Variants in OXSR1 observed in about 807,000 individuals in gnomAD.
The protein encoded by OXSR1 is serine/threonine-protein kinase OSR1.
A neutral mutation model predicts 79.8 loss-of-function variants in OXSR1; 24 were observed. That is an observed-to-expected ratio of 0.30 (90% CI 0.22 to 0.42). The LOEUF (loss-of-function observed/expected upper bound fraction) is 0.42, where lower values mean the gene tolerates loss of function less well. OXSR1 is among the 10% of genes least tolerant of loss of function. OXSR1 has a pLI of 1.00. For synonymous variants in OXSR1, 226 were observed against 209.2 expected (o/e 1.08, Z -0.69); for missense variants, 430 against 618.4 (o/e 0.70, Z 3.23).
intron 4 of OXSR1, among the ~76,000 whole-genome samples, chr3:38,214,344 A>G (rs552828939): frequency 6.6e-6 from 1 of 152,260 alleles, no homozygotes; most frequent in Admixed American, 6.5e-5. Context: ...ACAGGTGACT[A>G]TAGTAGTATA....
intron 1 of OXSR1, among the ~76,000 whole-genome samples, chr3:38,180,249 A>G (rs1042135125): frequency 6.6e-6 from 1 of 152,030 alleles, no homozygotes. Context: ...GGCGGAAAAA[A>G]TCTTTAAGTG....
intron 1 of OXSR1, among the ~76,000 whole-genome samples, chr3:38,179,863 A>G (rs1429175216): frequency 6.6e-6 from 1 of 151,896 alleles, no homozygotes; most frequent in Non-Finnish European, 1.5e-5. Flanking sequence ...GGCTGGAGGA[A>G]AGTGGCGCAA....
chr3:38,209,959 G>T (rs1702352449), intron 4 of OXSR1, among the ~76,000 whole-genome samples: 1 of 152,030 alleles, frequency 6.6e-6, no homozygotes, highest in Non-Finnish European at 1.5e-5. Context: ...AGGCAGGTCT[G>T]CTCACTGCAA....
intron 1 of OXSR1, among the ~76,000 whole-genome samples, chr3:38,178,970 C>T (rs1240407196): frequency 6.6e-6 from 1 of 151,394 alleles, no homozygotes; most frequent in East Asian, 1.9e-4. Context: ...CTCAAGTGAT[C>T]CTCCCCACCT....
chr3:38,252,800 T>C lies in OXSR1; in HGVS notation c.1510-17T>C. ...GTTTATAAATAATCACAGTTTCTCA[T>C]TTTGTTTGGTTCTTAGGCATCTGGT... On this transcript the variant is annotated splice_polypyrimidine_tract_variant and intron_variant, in intron 17 of 17. Coordinates refer to ENST00000311806, the MANE Select transcript of OXSR1 (RefSeq NM_005109.3). 1 of 1,599,260 alleles carries C rather than the reference T, an allele frequency of 6.3e-7. No individual in the cohort carries two copies.
intron 12 of OXSR1, among the ~76,000 whole-genome samples, chr3:38,243,039 T>TA (rs1703067911): frequency 6.6e-6 from 1 of 150,408 alleles, no homozygotes; most frequent in Non-Finnish European, 1.5e-5. Flanking sequence ...TATTTATTTA[T>TA]TTATTTATTT....
At chr3:38,209,525 A>C (rs892218101) in intron 4 of OXSR1, among the ~76,000 whole-genome samples, 1 of 152,094 alleles carries the variant, frequency 6.6e-6, no homozygotes, top group African/African-American at 2.4e-5. Flanking sequence ...CGGCCTTCCA[A>C]AGTGCTGGAA....
chr3:38,240,717 A>G (rs1364097622), intron 11 of OXSR1, among the ~76,000 whole-genome samples: 1 of 151,798 alleles, frequency 6.6e-6, no homozygotes, highest in African/African-American at 2.4e-5. Context: ...AAAAAAAACA[A>G]CTCATAAGGA....
intron 10 of OXSR1, among the ~76,000 whole-genome samples, chr3:38,234,902 A>G (rs1216636600): frequency 1.3e-5 from 2 of 152,256 alleles, no homozygotes; most frequent in Non-Finnish European, 2.9e-5. Flanking sequence ...ATTATTTGAC[A>G]ATAAAAAGGA....
intron 10 of OXSR1, among the ~76,000 whole-genome samples, chr3:38,233,957 A>T (rs529592270): frequency 2.6e-5 from 4 of 152,296 alleles, no homozygotes; most frequent in South Asian, 2.1e-4. Flanking sequence ...AGTGAACATG[A>T]CACTGTTAAA....
In OXSR1 at chr3:38,166,037, G is replaced by A; in HGVS notation, c.70+91G>A. 6 of 1,172,938 alleles carry A rather than the reference G, an allele frequency of 5.1e-6. No individual in the cohort carries two copies. In the South Asian group the frequency reaches 7.7e-5, roughly 15 times the overall value. The allele number at this position is 1,172,938 out of a possible 1,614,324, so 72.7% of individuals were successfully genotyped here. A position where few individuals can be genotyped will look rare whatever the true frequency, so the allele number is the denominator to read the frequency against. On this transcript the variant is annotated intron_variant, in intron 1 of 17. Transcript: ENST00000311806. ...GAGCCGCGGGAGCTCGGGGAGCGCA[G>A]CCCTCATAGGAATTCGTGGGGCGCT... is the stretch of plus-strand genomic sequence containing the variant.
At chr3:38,247,883 A>G in intron 14 of OXSR1, 151 bp downstream of exon 14, 1 of 573,626 alleles carries the variant, frequency 1.7e-6, no homozygotes, top group South Asian at 2.3e-5. Context: ...TTCCCCAGAA[A>G]TAATAGCAAC....
At chr3:38,178,620 A>ATATTTTTTTTT (rs1265646743) in intron 1 of OXSR1, among the ~76,000 whole-genome samples, 3 of 95,126 alleles carry the variant, frequency 3.2e-5, no homozygotes, top group East Asian at 3.2e-4. Flanking sequence ...ATATATATAT[A>ATATTTTTTTTT]TTTTTTTTTT....
At chr3:38,224,465 A>T in intron 7 of OXSR1, 106 bp from the exon 8 acceptor site, 2 of 780,440 alleles carry the variant, frequency 2.6e-6, no homozygotes, top group Admixed American at 5.8e-5. Context: ...AGAAAATAAA[A>T]TGTTTGTATG....
At chr3:38,192,828 A>G (rs1702007512) in intron 3 of OXSR1, among the ~76,000 whole-genome samples, 1 of 152,180 alleles carries the variant, frequency 6.6e-6, no homozygotes, top group South Asian at 2.1e-4. Context: ...TGGCCTTCCT[A>G]TCACTGTGCT....
chr3:38,171,466 C>G (rs1014703623), intron 1 of OXSR1, among the ~76,000 whole-genome samples: 7 of 152,188 alleles, frequency 4.6e-5, no homozygotes, highest in African/African-American at 9.7e-5. Flanking sequence ...TCATCTCCAT[C>G]AAAACACGTA....
intron 1 of OXSR1, among the ~76,000 whole-genome samples, chr3:38,178,614 ATATATATTTTTTT>A (rs1419932885): frequency 3.6e-5 from 3 of 83,694 alleles, no homozygotes; most frequent in Admixed American, 3.4e-4. Flanking sequence ...ATATATATAT[ATATATATTTTTTT>A]TTTTTTTTTT....
At chr3:38,198,016 A>G (rs574244322) in intron 3 of OXSR1, among the ~76,000 whole-genome samples, 3 of 152,238 alleles carry the variant, frequency 2.0e-5, no homozygotes, top group African/African-American at 7.2e-5. Context: ...CTTTTTACTG[A>G]TTATAATCTT....
At chr3:38,248,574 T>C (rs1031056997) in intron 14 of OXSR1, among the ~76,000 whole-genome samples, 7 of 152,160 alleles carry the variant, frequency 4.6e-5, no homozygotes, top group African/African-American at 1.7e-4. Context: ...ACATATAAAT[T>C]CCTAGTCATC....
Sources: allele counts gnomAD v4.1 joint callset (sites outside exome capture counted in the v4.1 genomes callset), GRCh38; gene constraint gnomAD v4.1.1; transcripts MANE v1.5; gene names NCBI Gene and HGNC (gene_info 2026-07-23, HGNC 2026-07-21).